The following CELF2 variants were observed in gnomAD, a reference collection of about 807,000 sequenced individuals.
The protein encoded by CELF2 is CUGBP Elav-like family member 2, also known as CUG triplet repeat RNA-binding protein 2.
Under a neutral mutation model 62.6 loss-of-function variants are expected in CELF2, and 8 were observed. The ratio of observed to expected loss-of-function variants is 0.13; its 90% CI spans 0.07 to 0.23. The LOEUF (loss-of-function observed/expected upper bound fraction) is 0.23, where lower values mean the gene tolerates loss of function less well. Ranked by LOEUF, CELF2 falls within the 10% of genes least tolerant of loss-of-function variation. The pLI is 1.00. For missense variants in CELF2, 333 were observed against 671.0 expected (o/e 0.50, Z 5.56); for synonymous variants, 258 against 250.0 (o/e 1.03, Z -0.30).
chr10:11,021,972 T>C (rs905958917), intron 1 of CELF2, among the ~76,000 whole-genome samples: 1 of 152,204 alleles, frequency 6.6e-6, no homozygotes, highest in African/African-American at 2.4e-5. Context: ...CAGAATACGT[T>C]TTAATTAAAA....
chr10:10,847,386 A>G (rs1168105627), intron 1 of CELF2, among the ~76,000 whole-genome samples: 1 of 152,142 alleles, frequency 6.6e-6, no homozygotes, highest in African/African-American at 2.4e-5. Context: ...TACTTCCTTT[A>G]TAGCCTCAAA....
chr10:10,940,415 A>G (rs535714941), intron 2 of CELF2, among the ~76,000 whole-genome samples: 1 of 152,182 alleles, frequency 6.6e-6, no homozygotes, highest in Non-Finnish European at 1.5e-5. Context: ...TTTGTCATGC[A>G]GGGAAAGGAG....
rs182705165 is a variant in CELF2 at position 11,109,764 on chromosome 10, G to C, written c.75-55722G>C. 1.4e-3 allele frequency among the ~76,000 whole-genome samples: 208 copies of C among 152,284 alleles called. 1 individual carries two copies. Among genetic ancestry groups the C allele is most frequent in the Admixed American group, 4.1e-3 (63 of 15,296 alleles). On this transcript the variant is annotated intron_variant, in intron 1 of 12. Coordinates refer to ENST00000633077, the MANE Select transcript of CELF2 (RefSeq NM_001326342.2). ...TCTTTAACCTTGTTGAGGAAGCAACGCTTGTGCTCTGCAGGCCGGTTATTT... is the reference window on the plus strand; with the variant it reads ...TCTTTAACCTTGTTGAGGAAGCAACCCTTGTGCTCTGCAGGCCGGTTATTT...
chr10:10,588,547 G>A, the CELF2 span, among the ~76,000 whole-genome samples: 1 of 152,190 alleles, frequency 6.6e-6, no homozygotes, highest in Non-Finnish European at 1.5e-5. Flanking sequence ...TTACCTCAGA[G>A]CAGCCATGCT....
chr10:11,278,288 A>T (rs1017677091), intron 8 of CELF2, among the ~76,000 whole-genome samples: 2 of 152,252 alleles, frequency 1.3e-5, no homozygotes, highest in East Asian at 3.8e-4. Context: ...TGAAATATGG[A>T]ATTTAGAAGC....
chr10:10,695,376 G>T, the CELF2 span, among the ~76,000 whole-genome samples: 3 of 143,724 alleles, frequency 2.1e-5, no homozygotes, highest in Non-Finnish European at 4.7e-5. Context: ...CGAGAGATCA[G>T]CTGTTAGTCT....
At chr10:10,829,476 C>G (rs1168378859) in intron 1 of CELF2, among the ~76,000 whole-genome samples, 1 of 152,124 alleles carries the variant, frequency 6.6e-6, no homozygotes, top group Non-Finnish European at 1.5e-5. Flanking sequence ...AGAGAAGGGT[C>G]TTTCCAGGGA....
chr10:11,295,128 T>C (rs921966118), intron 9 of CELF2, among the ~76,000 whole-genome samples: 1 of 152,226 alleles, frequency 6.6e-6, no homozygotes, highest in Non-Finnish European at 1.5e-5. Flanking sequence ...TTTATTTTCA[T>C]TAATGTTAAT....
At chr10:11,170,860 A>T (rs551505375) in intron 2 of CELF2, among the ~76,000 whole-genome samples, 1 of 152,354 alleles carries the variant, frequency 6.6e-6, no homozygotes, top group African/African-American at 2.4e-5. Flanking sequence ...TAGCACTCTG[A>T]GAAAGCGTGT....
chr10:10,837,410 A>G (rs558837603), intron 1 of CELF2, among the ~76,000 whole-genome samples: 16 of 152,252 alleles, frequency 1.1e-4, no homozygotes, highest in Admixed American at 5.2e-4. Context: ...CTTTTTCTTT[A>G]TAAATGACCC....
chr10:11,319,408 A>G lies in CELF2; in HGVS notation c.1097-1781A>G, dbSNP rs998963974. Among the ~76,000 whole-genome samples the G allele has an allele frequency of 3.3e-5, 5 of 152,146 alleles. No homozygotes were observed. The highest frequency in any genetic ancestry group is 7.4e-5 in the Non-Finnish European group (5 of 68,012). On this transcript the variant is annotated intron_variant, in intron 10 of 12. Coordinates refer to ENST00000633077, the MANE Select transcript of CELF2 (RefSeq NM_001326342.2). The surrounding 1 kb of genome is among the most constrained non-coding windows in gnomAD (Gnocchi z 4.4). ...CCCTCTGGTGGCCATAGTAACAGGG[A>G]CAGAGGGGAAGCACAGCGGCAGGGA...
chr10:10,855,810 A>G (rs1312943805), intron 1 of CELF2, among the ~76,000 whole-genome samples: 1 of 152,210 alleles, frequency 6.6e-6, no homozygotes, highest in Non-Finnish European at 1.5e-5. Context: ...ATGTGCCAGT[A>G]AAACCAACAC....
At chr10:11,142,487 A>T (rs187838674) in intron 1 of CELF2, among the ~76,000 whole-genome samples, 11 of 152,160 alleles carry the variant, frequency 7.2e-5, no homozygotes, top group African/African-American at 2.6e-4. Flanking sequence ...GATCGAGACC[A>T]TCCTGGCTAA....
the CELF2 span, among the ~76,000 whole-genome samples, chr10:10,604,319 C>T: frequency 6.6e-6 from 1 of 152,146 alleles, no homozygotes; most frequent in Non-Finnish European, 1.5e-5. Flanking sequence ...ATTAATGAAT[C>T]AAAGGTTCTA....
In CELF2 at chr10:11,159,801, G is replaced by A. The variant is rs1391180313; in HGVS notation, c.75-5685G>A. 6.6e-6 allele frequency among the ~76,000 whole-genome samples: 1 copy of A among 152,206 alleles called. No individual in the cohort carries two copies. The highest frequency in any genetic ancestry group is 1.5e-5 in the Non-Finnish European group (1 of 68,042). On this transcript the variant is annotated intron_variant, in intron 1 of 12. Coordinates refer to ENST00000633077, the MANE Select transcript of CELF2 (RefSeq NM_001326342.2). The surrounding 1 kb of genome is among the most constrained non-coding windows in gnomAD (Gnocchi z 5.0). ...TTCCTGTAATAACCAAACAAAGCCT[G>A]TTTCTTCGTGTGCTATTACTTAAGT...
At chr10:11,062,179 T>C (rs2066932655) in intron 1 of CELF2, among the ~76,000 whole-genome samples, 1 of 152,196 alleles carries the variant, frequency 6.6e-6, no homozygotes, top group Admixed American at 6.5e-5. Context: ...TTCCAGATAT[T>C]AGTGCTCATT....
chr10:10,767,755 G>T, the CELF2 span, among the ~76,000 whole-genome samples: 1 of 151,778 alleles, frequency 6.6e-6, no homozygotes, highest in Non-Finnish European at 1.5e-5. Flanking sequence ...CCAGCACTTT[G>T]GGAGGCCGAG....
intron 5 of CELF2, among the ~76,000 whole-genome samples, chr10:11,262,940 C>CTTTTTGTTTTTTTTTTTTTTTTTTTT (rs2081122123): frequency 3.8e-5 from 2 of 52,766 alleles, no homozygotes; most frequent in Non-Finnish European, 3.3e-5. Flanking sequence ...AGTGGCTTTA[C>CTTTTTGTTTTTTTTTTTTTTTTTTTT]TTTTTTTTTT....
the CELF2 span, among the ~76,000 whole-genome samples, chr10:10,490,048 C>T: frequency 2.0e-5 from 3 of 151,720 alleles, no homozygotes; most frequent in African/African-American, 2.4e-5. Flanking sequence ...TGAAACATCA[C>T]ATTTGATTAT....
Sources: allele counts gnomAD v4.1 joint callset (sites outside exome capture counted in the v4.1 genomes callset), GRCh38; gene constraint gnomAD v4.1.1; non-coding constraint Gnocchi (gnomAD v3.1); transcripts MANE v1.5; gene names NCBI Gene and HGNC (gene_info 2026-07-23, HGNC 2026-07-21).